The following HDAC9 variants were observed in gnomAD, a reference collection of about 807,000 sequenced individuals.
The protein encoded by HDAC9 is histone deacetylase 9.
HDAC9 carries 41 observed loss-of-function variants against 139.4 expected under a neutral mutation model. The observed-to-expected ratio is 0.29, with a 90% confidence interval of 0.23 to 0.38. The LOEUF (loss-of-function observed/expected upper bound fraction) is 0.38, where lower values mean the gene tolerates loss of function less well. HDAC9 is among the 10% of genes least tolerant of loss of function. The pLI, the probability that HDAC9 is intolerant of heterozygous loss-of-function variation, is 1.00. For missense variants in HDAC9, 1,147 were observed against 1,297.0 expected, an observed-to-expected ratio of 0.88 and a Z score of 1.78; for synonymous variants, 517 against 476.2, an observed-to-expected ratio of 1.09 and a Z score of -1.12.
chr7:18,326,094 A>G (rs1025033479), intron 1 of HDAC9, among the ~76,000 whole-genome samples: 3 of 152,152 alleles, frequency 2.0e-5, no homozygotes, highest in East Asian at 1.9e-4. Flanking sequence ...CAGGTGATAC[A>G]TTAGACCAAT....
intron 1 of HDAC9, among the ~76,000 whole-genome samples, chr7:18,340,621 A>G (rs752810534): frequency 7.9e-5 from 12 of 151,618 alleles, no homozygotes; most frequent in Non-Finnish European, 1.6e-4. Context: ...TTTCATGTAT[A>G]TCACGGGAAT....
At chr7:18,450,870 A>G (rs1372502377) in intron 1 of HDAC9, among the ~76,000 whole-genome samples, 1 of 152,232 alleles carries the variant, frequency 6.6e-6, no homozygotes, top group Non-Finnish European at 1.5e-5. Context: ...TTTGACTGCT[A>G]TGCAACAAGA....
At chr7:18,890,194 T>A (rs1288851815) in intron 22 of HDAC9, among the ~76,000 whole-genome samples, 1 of 152,236 alleles carries the variant, frequency 6.6e-6, no homozygotes, top group African/African-American at 2.4e-5. Context: ...TAGATAGTCT[T>A]ATCATGTCCA....
At chr7:18,476,767 C>T (rs942703152) in intron 1 of HDAC9, among the ~76,000 whole-genome samples, 1 of 152,112 alleles carries the variant, frequency 6.6e-6, no homozygotes, top group Admixed American at 6.6e-5. Context: ...TTTCTTCGTT[C>T]TCTGTCCACA....
intron 22 of HDAC9, among the ~76,000 whole-genome samples, chr7:18,897,865 C>T (rs1231896105): frequency 6.6e-6 from 1 of 150,976 alleles, no homozygotes; most frequent in Non-Finnish European, 1.5e-5. Context: ...GTCTTTGCCA[C>T]CAGGGAACCA....
At chr7:18,587,191 A>T (rs979816760) in intron 3 of HDAC9, among the ~76,000 whole-genome samples, 2 of 152,186 alleles carry the variant, frequency 1.3e-5, no homozygotes, top group Non-Finnish European at 2.9e-5. Context: ...TTTATTGCTT[A>T]ATTTTACTCA....
chr7:18,464,512 C>G (rs1401238793), intron 1 of HDAC9, among the ~76,000 whole-genome samples: 1 of 151,948 alleles, frequency 6.6e-6, no homozygotes, highest in Non-Finnish European at 1.5e-5. Context: ...GTCAGATTGT[C>G]TTGTCTCTTC....
intron 2 of HDAC9, among the ~76,000 whole-genome samples, chr7:18,276,150 G>A (rs1055416924): frequency 9.9e-5 from 15 of 152,168 alleles, no homozygotes; most frequent in African/African-American, 3.1e-4. Context: ...TGCAATCATA[G>A]TATACATTTT....
intron 25 of HDAC9, 109 bp downstream of exon 25, chr7:18,976,062 C>T (rs1230878292): frequency 8.9e-7 from 1 of 1,121,342 alleles, no homozygotes; most frequent in Non-Finnish European, 1.3e-6. Context: ...TCCACTTCCA[C>T]CACCTGTCCT....
At chr7:18,495,026 A>G (rs535256168), upstream of HDAC9, among the ~76,000 whole-genome samples, 2 of 152,242 alleles carry the variant, frequency 1.3e-5, no homozygotes, top group African/African-American at 4.8e-5. Context: ...AAGATACAAT[A>G]GGATTTGTGA....
At chr7:18,782,026 T>C (rs1210686287) in intron 16 of HDAC9, among the ~76,000 whole-genome samples, 1 of 152,120 alleles carries the variant, frequency 6.6e-6, no homozygotes, top group African/African-American at 2.4e-5. Context: ...AAAACCTCTG[T>C]TTCTTTGTTG....
At chr7:18,654,451 AC>A (rs1050136838) in intron 11 of HDAC9, among the ~76,000 whole-genome samples, 1 of 152,072 alleles carries the variant, frequency 6.6e-6, no homozygotes, top group Admixed American at 6.6e-5. Context: ...CAGAATTCTT[AC>A]GTCTATCTTC....
At chr7:18,131,665 A>G (rs945788825) in intron 1 of HDAC9, among the ~76,000 whole-genome samples, 34 of 151,880 alleles carry the variant, frequency 2.2e-4, no homozygotes, top group Admixed American at 2.6e-4. Context: ...CATTGTCACT[A>G]CTCCCTTTCT....
intron 2 of HDAC9, among the ~76,000 whole-genome samples, chr7:18,214,183 A>G (rs778595085): frequency 1.3e-5 from 2 of 152,130 alleles, no homozygotes; most frequent in African/African-American, 2.4e-5. Flanking sequence ...TTTTATATTA[A>G]TAGAGTATAA....
intron 12 of HDAC9, among the ~76,000 whole-genome samples, chr7:18,712,939 T>G (rs1784448021): frequency 6.6e-6 from 1 of 152,200 alleles, no homozygotes; most frequent in African/African-American, 2.4e-5. Context: ...TATTTAGAGC[T>G]GAATCTGTAG....
At chr7:18,493,935 G>C (rs1431558057), upstream of HDAC9, among the ~76,000 whole-genome samples, 1 of 151,916 alleles carries the variant, frequency 6.6e-6, no homozygotes, top group Non-Finnish European at 1.5e-5. Flanking sequence ...AACTACAATT[G>C]ACTATCTCTA....
intron 1 of HDAC9, among the ~76,000 whole-genome samples, chr7:18,142,982 C>T (rs970930898): frequency 2.6e-5 from 4 of 152,178 alleles, no homozygotes; most frequent in Non-Finnish European, 4.4e-5. Context: ...TATTCAGTCC[C>T]TCCAGGGCAG....
At chr7:18,684,204 C>A (rs914681402) in intron 12 of HDAC9, among the ~76,000 whole-genome samples, 1 of 151,454 alleles carries the variant, frequency 6.6e-6, no homozygotes, top group Non-Finnish European at 1.5e-5. Flanking sequence ...TTGCAGTGAA[C>A]CTATCATCCC....
intron 16 of HDAC9, among the ~76,000 whole-genome samples, chr7:18,787,322 G>C (rs1791906720): frequency 6.6e-6 from 1 of 152,080 alleles, no homozygotes; most frequent in African/African-American, 2.4e-5. Context: ...GACTTTTTGT[G>C]GAATAGCTTC....
Sources: gnomAD v4.1 joint callset for allele counts (sites outside exome capture counted in the v4.1 genomes callset) on GRCh38, gnomAD v4.1.1 for gene constraint, MANE v1.5 for transcripts, NCBI Gene and HGNC (gene_info 2026-07-23, HGNC 2026-07-21) for gene names.